SMAP1: variants seen among roughly 807,000 people sequenced by gnomAD.
SMAP1 encodes stromal membrane-associated protein 1.
Under a neutral mutation model 58.5 loss-of-function variants are expected in SMAP1, and 24 were observed. That is an observed-to-expected ratio of 0.41 (90% CI 0.30 to 0.58). SMAP1 has a LOEUF of 0.58. Among genes scored for constraint, SMAP1 ranks in the 20% least tolerant of loss-of-function variants. The pLI is 0.29. For synonymous variants in SMAP1, 216 were observed against 196.6 expected, an observed-to-expected ratio of 1.10 and a Z score of -0.82; for missense variants, 563 against 566.3, an observed-to-expected ratio of 0.99 and a Z score of 0.06.
At chr6:70,814,442 A>G (rs888906894) in intron 6 of SMAP1, among the ~76,000 whole-genome samples, 1 of 152,170 alleles carries the variant, frequency 6.6e-6, no homozygotes, top group African/African-American at 2.4e-5. Flanking sequence ...ACTACTATGC[A>G]GCCCTGGTTT....
At chr6:70,822,303 A>G (rs750725700) in intron 6 of SMAP1, among the ~76,000 whole-genome samples, 3 of 152,162 alleles carry the variant, frequency 2.0e-5, no homozygotes, top group East Asian at 1.9e-4. Flanking sequence ...CTCTTTAAAT[A>G]TATTATTTCG....
At chr6:70,753,795 C>CA (rs1175910508) in intron 2 of SMAP1, among the ~76,000 whole-genome samples, 6 of 151,910 alleles carry the variant, frequency 3.9e-5, no homozygotes, top group Non-Finnish European at 8.8e-5. Context: ...CCATTTTTCT[C>CA]ACTGCCCTCC....
intron 1 of SMAP1, among the ~76,000 whole-genome samples, chr6:70,722,749 G>T (rs1768585602): frequency 6.6e-6 from 1 of 152,236 alleles, no homozygotes; most frequent in Admixed American, 6.5e-5. Context: ...TCTACAGCAG[G>T]AACATGTCCT....
intron 7 of SMAP1, among the ~76,000 whole-genome samples, chr6:70,848,553 T>C (rs1025009857): frequency 1.3e-5 from 2 of 152,218 alleles, no homozygotes; most frequent in African/African-American, 4.8e-5. Context: ...CAAATTTTGC[T>C]GCTTAAAAAG....
At chr6:70,807,757 A>G (rs1769198969) in intron 6 of SMAP1, among the ~76,000 whole-genome samples, 1 of 152,114 alleles carries the variant, frequency 6.6e-6, no homozygotes, top group African/African-American at 2.4e-5. Context: ...TTCTGGTTAT[A>G]GTACTATTTA....
chr6:70,721,676 GA>G (rs1286500664), intron 1 of SMAP1, among the ~76,000 whole-genome samples: 1 of 152,142 alleles, frequency 6.6e-6, no homozygotes, highest in Non-Finnish European at 1.5e-5. Flanking sequence ...AGCCTGGGAA[GA>G]AAAAGTGGTT....
intron 2 of SMAP1, among the ~76,000 whole-genome samples, chr6:70,745,110 C>G (rs1382840884): frequency 6.6e-6 from 1 of 152,134 alleles, no homozygotes. Context: ...AAATTTTCTC[C>G]CGTTCTGTAG....
Position 70,777,720 on chromosome 6 carries a change from A to G in SMAP1, c.414+4295A>G, listed in dbSNP as rs547807188. Among the ~76,000 whole-genome samples, 8 of 148,966 alleles carry G rather than the reference A, an allele frequency of 5.4e-5. No homozygotes were observed. In the East Asian group the frequency reaches 1.4e-3, roughly 26 times the overall value. On this transcript the variant is annotated intron_variant, in intron 4 of 10. Coordinates refer to ENST00000370455, the MANE Select transcript of SMAP1 (RefSeq NM_001044305.3). ...TCCTATGTTTTCTTCTACAAATTTTATAGTTTTGGGTCTCCTATTTAAGTC... is the reference window on the plus strand; with the variant it reads ...TCCTATGTTTTCTTCTACAAATTTTGTAGTTTTGGGTCTCCTATTTAAGTC...
At chr6:70,788,017 A>C in intron 4 of SMAP1, among the ~76,000 whole-genome samples, 1 of 152,130 alleles carries the variant, frequency 6.6e-6, no homozygotes, top group Non-Finnish European at 1.5e-5. Flanking sequence ...TTATTGTGGC[A>C]CTATTCACAT....
At chr6:70,709,804 TTAA>T (rs1767978407) in intron 1 of SMAP1, among the ~76,000 whole-genome samples, 1 of 152,326 alleles carries the variant, frequency 6.6e-6, no homozygotes, top group Admixed American at 6.5e-5. Flanking sequence ...CATGGACATT[TTAA>T]TAATATAATT....
intron 3 of SMAP1, among the ~76,000 whole-genome samples, chr6:70,757,210 C>T (rs1301150221): frequency 7.4e-5 from 11 of 148,410 alleles, no homozygotes; most frequent in South Asian, 2.2e-4. Context: ...TCAGAAATAA[C>T]GCCGCATATC....
At chr6:70,726,737 T>A (rs567577300) in intron 1 of SMAP1, among the ~76,000 whole-genome samples, 7 of 152,280 alleles carry the variant, frequency 4.6e-5, no homozygotes, top group Admixed American at 3.9e-4. Context: ...AGACATGTAA[T>A]GTCTTTTACA....
At chr6:70,713,263 TATTTG>T (rs1267744583) in intron 1 of SMAP1, among the ~76,000 whole-genome samples, 2 of 152,212 alleles carry the variant, frequency 1.3e-5, no homozygotes, top group Non-Finnish European at 2.9e-5. Flanking sequence ...TTCTATGCTT[TATTTG>T]ATTTATCTGT....
intron 7 of SMAP1, chr6:70,838,061 G>C (rs935248665): frequency 5.8e-6 from 2 of 342,516 alleles, no homozygotes; most frequent in African/African-American, 4.5e-5. Flanking sequence ...CAGTCCAGGG[G>C]CTCTAAATAT....
At chr6:70,822,931 A>G (rs187731856) in intron 6 of SMAP1, among the ~76,000 whole-genome samples, 148 of 152,060 alleles carry the variant, frequency 9.7e-4, no homozygotes, top group African/African-American at 3.3e-3. Context: ...CAGTCTCCTA[A>G]TGAGCCCACC....
At chr6:70,713,817 A>G (rs942542579) in intron 1 of SMAP1, among the ~76,000 whole-genome samples, 12 of 152,060 alleles carry the variant, frequency 7.9e-5, no homozygotes, top group Non-Finnish European at 1.5e-4. Flanking sequence ...TGGATGTCCT[A>G]TCTATTGTTG....
intron 1 of SMAP1, among the ~76,000 whole-genome samples, chr6:70,686,536 A>C (rs1308028026): frequency 6.6e-6 from 1 of 152,192 alleles, no homozygotes; most frequent in African/African-American, 2.4e-5. Context: ...GTTGACAAAA[A>C]TTGGTTTCTG....
At chr6:70,803,484 C>G (rs1768961524) in intron 6 of SMAP1, among the ~76,000 whole-genome samples, 1 of 152,008 alleles carries the variant, frequency 6.6e-6, no homozygotes, top group Non-Finnish European at 1.5e-5. Flanking sequence ...TTTTTTGTGT[C>G]TCTATTTCCT....
At chr6:70,768,281 G>T (rs973215564) in intron 3 of SMAP1, among the ~76,000 whole-genome samples, 2 of 152,176 alleles carry the variant, frequency 1.3e-5, no homozygotes, top group African/African-American at 2.4e-5. Context: ...AGTTAGGGAG[G>T]ATTCCCTCTT....
Sources: allele counts gnomAD v4.1 joint callset (sites outside exome capture counted in the v4.1 genomes callset), GRCh38; gene constraint gnomAD v4.1.1; transcripts MANE v1.5; gene names NCBI Gene and HGNC (gene_info 2026-07-23, HGNC 2026-07-21).